Variants in GALNTL6 observed in about 807,000 individuals in gnomAD.
GALNTL6 encodes the protein polypeptide N-acetylgalactosaminyltransferase-like 6.
Under a neutral mutation model 73.7 loss-of-function variants are expected in GALNTL6, and 46 were observed. The observed-to-expected ratio is 0.62, with a 90% CI of 0.49 to 0.80. The LOEUF is 0.80. Ranked by LOEUF, GALNTL6 falls within the 30% of genes least tolerant of loss-of-function variation. The pLI is 0.00. For synonymous variants in GALNTL6, 259 were observed against 263.7 expected, an observed-to-expected ratio of 0.98 and a Z score of 0.17; for missense variants, 604 against 755.0, an observed-to-expected ratio of 0.80 and a Z score of 2.34.
chr4:172,007,095 G>T (rs1740865966), intron 2 of GALNTL6, among the ~76,000 whole-genome samples: 1 of 151,946 alleles, frequency 6.6e-6, no homozygotes, highest in South Asian at 2.1e-4. Context: ...TGCCACTGTG[G>T]TTATTTTCAC....
At chr4:172,241,633 A>G (rs1455518916) in intron 3 of GALNTL6, among the ~76,000 whole-genome samples, 3 of 152,244 alleles carry the variant, frequency 2.0e-5, no homozygotes, top group Non-Finnish European at 4.4e-5. Context: ...TTGCAGGACC[A>G]GGAAGGCTTC....
chr4:172,277,495 C>T (rs1212821994), intron 3 of GALNTL6, among the ~76,000 whole-genome samples: 1 of 152,032 alleles, frequency 6.6e-6, no homozygotes, highest in African/African-American at 2.4e-5. Context: ...AAAAACAAAC[C>T]GTGGAATAAT....
At chr4:172,338,607 C>A (rs1741432750) in intron 4 of GALNTL6, among the ~76,000 whole-genome samples, 2 of 152,160 alleles carry the variant, frequency 1.3e-5, no homozygotes, top group South Asian at 4.1e-4. Context: ...GTAGATATCA[C>A]TTCTGGGTAA....
At chr4:171,881,630 C>T (rs1043406945) in intron 2 of GALNTL6, among the ~76,000 whole-genome samples, 3 of 152,138 alleles carry the variant, frequency 2.0e-5, no homozygotes, top group African/African-American at 7.2e-5. Flanking sequence ...AGCTGACACT[C>T]AGTATTAACC....
At chr4:172,743,819 A>G (rs749770268) in intron 5 of GALNTL6, among the ~76,000 whole-genome samples, 8 of 152,164 alleles carry the variant, frequency 5.3e-5, no homozygotes, top group Non-Finnish European at 1.0e-4. Context: ...GATATCAAAG[A>G]TTGTGTTGAC....
intron 5 of GALNTL6, among the ~76,000 whole-genome samples, chr4:172,714,926 A>G (rs547722456): frequency 1.3e-5 from 2 of 152,242 alleles, no homozygotes; most frequent in South Asian, 4.1e-4. Context: ...ATTTAGGTGG[A>G]CTATTGAGAT....
intron 5 of GALNTL6, among the ~76,000 whole-genome samples, chr4:172,636,802 T>C (rs931212300): frequency 7.9e-5 from 12 of 152,176 alleles, no homozygotes; most frequent in African/African-American, 2.4e-4. Flanking sequence ...CTCATCTAAT[T>C]AGACTTTGCT....
At chr4:171,950,605 G>C (rs890295712) in intron 2 of GALNTL6, among the ~76,000 whole-genome samples, 2 of 150,412 alleles carry the variant, frequency 1.3e-5, no homozygotes, top group South Asian at 4.2e-4. Flanking sequence ...TCAGCCTCCC[G>C]AGTAGCTGGG....
intron 5 of GALNTL6, among the ~76,000 whole-genome samples, chr4:172,514,595 C>G (rs753316320): frequency 6.6e-6 from 1 of 152,198 alleles, no homozygotes; most frequent in Admixed American, 6.5e-5. Flanking sequence ...TTGCCCTCCA[C>G]CCCCAGATTC....
Position 172,394,194 on chromosome 4 carries a change from A to G in GALNTL6, c.553+45505A>G, listed in dbSNP as rs974220984. On this transcript the variant is annotated intron_variant, in intron 5 of 12. Transcript: ENST00000506823. ...CTTGCTAATTTAAACTAATTACTATATAATAATTAGCTAACATTAAACTTT... is the reference window on the plus strand; with the variant it reads ...CTTGCTAATTTAAACTAATTACTATGTAATAATTAGCTAACATTAAACTTT... Among the ~76,000 whole-genome samples, 4 of 152,094 alleles carry G rather than the reference A, an allele frequency of 2.6e-5. No homozygotes were observed. The East Asian group carries it at 5.8e-4, about 22-fold the overall frequency.
At chr4:172,599,307 T>C (rs1737968305) in intron 5 of GALNTL6, among the ~76,000 whole-genome samples, 1 of 152,136 alleles carries the variant, frequency 6.6e-6, no homozygotes, top group South Asian at 2.1e-4. Context: ...GAAAACCTCA[T>C]TTTGTCGTTA....
chr4:172,322,425 CAAAT>C (rs1421958143), intron 4 of GALNTL6, among the ~76,000 whole-genome samples: 2 of 152,030 alleles, frequency 1.3e-5, no homozygotes, highest in African/African-American at 4.8e-5. Context: ...ACATTGAAGA[CAAAT>C]AGAGATTATG....
At chr4:172,715,109 G>C (rs1184737655) in intron 5 of GALNTL6, among the ~76,000 whole-genome samples, 2 of 152,074 alleles carry the variant, frequency 1.3e-5, no homozygotes, top group Non-Finnish European at 2.9e-5. Context: ...AAAAAAAATG[G>C]TGTATCTACT....
intron 2 of GALNTL6, among the ~76,000 whole-genome samples, chr4:172,160,946 A>G (rs996408647): frequency 6.6e-6 from 1 of 151,488 alleles, no homozygotes; most frequent in South Asian, 2.1e-4. Context: ...ACACATGTAT[A>G]TATATAATGC....
chr4:171,974,066 C>T (rs986767839), intron 2 of GALNTL6, among the ~76,000 whole-genome samples: 4 of 152,050 alleles, frequency 2.6e-5, no homozygotes, highest in Admixed American at 6.6e-5. Flanking sequence ...GTGGCGAGAT[C>T]TCAGCTCACT....
At chr4:172,726,473 CAGCCA>C (rs2111375317) in intron 5 of GALNTL6, among the ~76,000 whole-genome samples, 1 of 152,330 alleles carries the variant, frequency 6.6e-6, no homozygotes, top group South Asian at 2.1e-4. Flanking sequence ...TGGCTGCCTT[CAGCCA>C]AGCAATCTGA....
intron 2 of GALNTL6, among the ~76,000 whole-genome samples, chr4:172,033,361 T>G (rs1224917669): frequency 6.6e-6 from 1 of 152,078 alleles, no homozygotes; most frequent in Non-Finnish European, 1.5e-5. Flanking sequence ...AAGGGACACT[T>G]GGCTATCAGG....
At chr4:172,059,432 A>C (rs1169057507) in intron 2 of GALNTL6, among the ~76,000 whole-genome samples, 9 of 152,200 alleles carry the variant, frequency 5.9e-5, no homozygotes, top group Admixed American at 5.9e-4. Flanking sequence ...TGGTCGATGG[A>C]ATCTCAAAAT....
intron 2 of GALNTL6, among the ~76,000 whole-genome samples, chr4:171,864,606 C>T (rs1321171340): frequency 6.6e-6 from 1 of 152,088 alleles, no homozygotes; most frequent in Admixed American, 6.5e-5. Flanking sequence ...TAGGTTATAA[C>T]ATAATTAGGT....
Sources: gnomAD v4.1 joint callset for allele counts (sites outside exome capture counted in the v4.1 genomes callset) on GRCh38, gnomAD v4.1.1 for gene constraint, MANE v1.5 for transcripts, NCBI Gene and HGNC (gene_info 2026-07-23, HGNC 2026-07-21) for gene names.